The following TRMT11 variants were observed in gnomAD, a reference collection of about 807,000 sequenced individuals.
TRMT11 encodes tRNA methyltransferase 11.
TRMT11 carries 53 observed loss-of-function variants against 62.8 expected under a neutral mutation model. The ratio of observed to expected loss-of-function variants is 0.84; its 90% confidence interval spans 0.68 to 1.06. The LOEUF is 1.06. TRMT11 is among the 50% of genes least tolerant of loss of function. The probability of loss-of-function intolerance (pLI) is 0.00; values close to 1 mark genes in which losing one functional copy is unlikely to be tolerated. For synonymous variants in TRMT11, 188 were observed against 190.3 expected (o/e 0.99, Z 0.10); for missense variants, 556 against 553.4 (o/e 1.00, Z -0.05).
chr6:126,093,520 G>A (rs1435884797), intron 17 of TRMT11, among the ~76,000 whole-genome samples: 3 of 142,914 alleles, frequency 2.1e-5, no homozygotes, highest in South Asian at 2.2e-4. Flanking sequence ...AAAAACTGGG[G>A]TGATGCTGCT....
rs190543377 is a variant in TRMT11 at position 126,180,592 on chromosome 6, G to A, written n.143+3257G>A. On this transcript the variant is annotated intron_variant and non_coding_transcript_variant, in intron 1 of 3. Transcript: ENST00000444229. Reference sequence around the variant, plus strand: ...TGGATTACTGTAAAGAAGGTAGTAAGTTTAGGTCAGAGCTATAACATATAG... The same window carrying A: ...TGGATTACTGTAAAGAAGGTAGTAAATTTAGGTCAGAGCTATAACATATAG... 5.6e-3 allele frequency among the ~76,000 whole-genome samples: 849 copies of A among 152,282 alleles called. 8 individuals carry two copies. The highest frequency in any genetic ancestry group is 0.018 in the African/African-American group (767 of 41,566).
intron 17 of TRMT11, among the ~76,000 whole-genome samples, chr6:126,059,808 G>C (rs1776479036): frequency 1.3e-5 from 2 of 152,092 alleles, no homozygotes; most frequent in South Asian, 4.1e-4. Context: ...CAGTAAGTAC[G>C]TTTCTCTAGG....
intron 3 of TRMT11, 143 bp from the exon 4 acceptor site, chr6:125,997,910 C>G (rs1032067134): frequency 6.9e-6 from 4 of 581,344 alleles, no homozygotes; most frequent in Admixed American, 5.9e-5. Context: ...ACCCATTTAT[C>G]TAAAATAACC....
At chr6:126,016,762 A>G (rs1795044571) in intron 11 of TRMT11, among the ~76,000 whole-genome samples, 1 of 150,686 alleles carries the variant, frequency 6.6e-6, no homozygotes, top group South Asian at 2.1e-4. Flanking sequence ...TTACGTGTCT[A>G]ACACATGTGG....
At chr6:126,014,589 GTC>G (rs1439928660) in intron 11 of TRMT11, among the ~76,000 whole-genome samples, 2 of 152,196 alleles carry the variant, frequency 1.3e-5, no homozygotes, top group African/African-American at 4.8e-5. Flanking sequence ...AGTGGTAACT[GTC>G]TTTTTCTACA....
At chr6:126,185,954 TG>T (rs1778522567) in intron 1 of TRMT11, among the ~76,000 whole-genome samples, 1 of 152,198 alleles carries the variant, frequency 6.6e-6, no homozygotes, top group Non-Finnish European at 1.5e-5. Flanking sequence ...AATCATTTCC[TG>T]CCAGGTCCCT....
At chr6:126,264,726 T>C in the TRMT11 span, among the ~76,000 whole-genome samples, 1 of 152,144 alleles carries the variant, frequency 6.6e-6, no homozygotes, top group Non-Finnish European at 1.5e-5. Context: ...CAGACTGCAT[T>C]TGGACTTTCT....
the TRMT11 span, among the ~76,000 whole-genome samples, chr6:126,255,880 A>G: frequency 6.6e-6 from 1 of 152,182 alleles, no homozygotes; most frequent in Non-Finnish European, 1.5e-5. Flanking sequence ...TAGTTATCTA[A>G]TGCTGTGTGA....
At chr6:126,210,701 C>A in the TRMT11 span, among the ~76,000 whole-genome samples, 15 of 152,192 alleles carry the variant, frequency 9.9e-5, no homozygotes, top group African/African-American at 3.6e-4. Flanking sequence ...TGTCTTAAAG[C>A]TATCTCAATT....
chr6:126,075,334 T>A (rs1326160635), intron 17 of TRMT11, among the ~76,000 whole-genome samples: 2 of 152,114 alleles, frequency 1.3e-5, no homozygotes, highest in African/African-American at 4.8e-5. Context: ...CCCACCCCAA[T>A]CTCATGTTGA....
intron 21 of TRMT11, among the ~76,000 whole-genome samples, chr6:126,152,971 G>A (rs1477581193): frequency 6.6e-6 from 1 of 152,156 alleles, no homozygotes; most frequent in Non-Finnish European, 1.5e-5. Flanking sequence ...CCAGAAGAAT[G>A]TGATGGAATT....
intron 1 of TRMT11, among the ~76,000 whole-genome samples, chr6:126,180,924 T>C (rs1225424638): frequency 3.3e-5 from 5 of 152,228 alleles, no homozygotes; most frequent in African/African-American, 1.2e-4. Context: ...AGCAGTAAAA[T>C]CTTTTGTTTG....
the TRMT11 span, among the ~76,000 whole-genome samples, chr6:126,232,767 T>C: frequency 6.6e-6 from 1 of 152,160 alleles, no homozygotes; most frequent in Non-Finnish European, 1.5e-5. Context: ...AAAAAGACAA[T>C]GTATAAACTT....
In TRMT11 at chr6:126,012,758, G is replaced by T; in HGVS notation, c.926-13G>T. 1 of 1,608,852 alleles carries T rather than the reference G, an allele frequency of 6.2e-7. No individual in the cohort carries two copies. Among genetic ancestry groups the T allele is most frequent in the Non-Finnish European group, 8.5e-7 (1 of 1,176,816 alleles). On this transcript the variant is annotated splice_polypyrimidine_tract_variant and intron_variant, in intron 9 of 12. Transcript: ENST00000334379. Reference sequence around the variant, plus strand: ...ACTTTTGACTATCTGTGTTACCTTTGTTTTCTGTCTAGCTCCATATGGTAT... The same window carrying T: ...ACTTTTGACTATCTGTGTTACCTTTTTTTTCTGTCTAGCTCCATATGGTAT...
chr6:126,071,642 T>G (rs1776859206), intron 17 of TRMT11, among the ~76,000 whole-genome samples: 1 of 151,354 alleles, frequency 6.6e-6, no homozygotes, highest in Non-Finnish European at 1.5e-5. Flanking sequence ...AGAGAGTAAA[T>G]GGGTTTGCTT....
chr6:126,167,460 C>T (rs890276836), intron 21 of TRMT11, among the ~76,000 whole-genome samples: 5 of 152,180 alleles, frequency 3.3e-5, no homozygotes, highest in Non-Finnish European at 7.3e-5. Flanking sequence ...TCTAACCAGT[C>T]CCAATGAGAC....
rs543568008 is a variant in TRMT11 at position 126,067,925 on chromosome 6, T to C, written c.*1437+14735T>C. ...TGTTTTTTAAAAATAATAGCTTTAA[T>C]AAGATACTGTTTCCATGCCATACAA... is the stretch of plus-strand genomic sequence containing the variant. On this transcript the variant is annotated intron_variant and NMD_transcript_variant, in intron 17 of 22. Transcript: ENST00000648977. Among the ~76,000 whole-genome samples, 5 of 152,334 alleles carry C rather than the reference T, an allele frequency of 3.3e-5. No individual in the cohort carries two copies. The South Asian group carries it at 1.0e-3, about 32-fold the overall frequency.
upstream of TRMT11, among the ~76,000 whole-genome samples, chr6:126,173,493 A>G (rs1778352934): frequency 6.6e-6 from 1 of 152,112 alleles, no homozygotes. Context: ...CAGTTACCGG[A>G]GAATCTTGAA....
intron 21 of TRMT11, among the ~76,000 whole-genome samples, chr6:126,125,274 A>T (rs547358880): frequency 1.3e-5 from 2 of 152,092 alleles, no homozygotes; most frequent in South Asian, 4.2e-4. Context: ...TCTTATATGA[A>T]GAAATTTTAG....
Sources: allele counts gnomAD v4.1 joint callset (sites outside exome capture counted in the v4.1 genomes callset), GRCh38; gene constraint gnomAD v4.1.1; transcripts MANE v1.5; gene names NCBI Gene and HGNC (gene_info 2026-07-23, HGNC 2026-07-21).